Variants in CADM2 observed in about 807,000 individuals in gnomAD.
CADM2 encodes the protein cell adhesion molecule 2, also known as immunoglobulin superfamily member 4D.
A neutral mutation model predicts 49.8 loss-of-function variants in CADM2; 12 were observed. That is an observed-to-expected ratio of 0.24 (90% CI 0.15 to 0.39). The LOEUF (loss-of-function observed/expected upper bound fraction) is 0.39, where lower values mean the gene tolerates loss of function less well. Among genes scored for constraint, CADM2 ranks in the 10% least tolerant of loss-of-function variants. CADM2 has a pLI of 1.00. For synonymous variants in CADM2, 214 were observed against 175.4 expected, an observed-to-expected ratio of 1.22 and a Z score of -1.74; for missense variants, 378 against 492.3, an observed-to-expected ratio of 0.77 and a Z score of 2.20.
intron 1 of CADM2, among the ~76,000 whole-genome samples, chr3:85,447,467 C>T (rs1244964212): frequency 2.6e-5 from 4 of 152,052 alleles, no homozygotes; most frequent in Non-Finnish European, 5.9e-5. Flanking sequence ...TGTTCTGAAT[C>T]ATAAAGTTTT....
At chr3:85,885,184 T>C (rs1194681493) in intron 4 of CADM2, among the ~76,000 whole-genome samples, 1 of 152,116 alleles carries the variant, frequency 6.6e-6, no homozygotes, top group African/African-American at 2.4e-5. Context: ...CACTAGTAAA[T>C]TGTAAATTAT....
At chr3:85,790,692 G>A (rs1251082563) in intron 2 of CADM2, among the ~76,000 whole-genome samples, 10 of 152,154 alleles carry the variant, frequency 6.6e-5, no homozygotes. Context: ...GGGATTGTAA[G>A]GGCTGAAGCT....
intron 1 of CADM2, among the ~76,000 whole-genome samples, chr3:85,281,017 C>T (rs1046929593): frequency 7.9e-5 from 12 of 151,602 alleles, no homozygotes; most frequent in Admixed American, 4.0e-4. Flanking sequence ...AAATTCAAAG[C>T]GATCTTAAAT....
chr3:86,015,638 TG>T (rs1231410494), intron 8 of CADM2, among the ~76,000 whole-genome samples: 1 of 152,216 alleles, frequency 6.6e-6, no homozygotes, highest in East Asian at 1.9e-4. Flanking sequence ...GTGCAGATTT[TG>T]TCTTTCTCTA....
At chr3:85,473,056 GA>G (rs2038834640) in intron 1 of CADM2, among the ~76,000 whole-genome samples, 1 of 151,894 alleles carries the variant, frequency 6.6e-6, no homozygotes, top group African/African-American at 2.4e-5. Context: ...ATGCAAAACA[GA>G]ATGTAAGCAA....
chr3:85,296,771 C>CTA (rs2043975213), intron 1 of CADM2, among the ~76,000 whole-genome samples: 1 of 152,038 alleles, frequency 6.6e-6, no homozygotes, highest in Admixed American at 6.6e-5. Context: ...CTTTCTACTC[C>CTA]TATGCCTTGG....
At chr3:85,597,890 A>C (rs867086189) in intron 1 of CADM2, among the ~76,000 whole-genome samples, 31 of 152,208 alleles carry the variant, frequency 2.0e-4, no homozygotes, top group Admixed American at 5.9e-4. Context: ...ACCATCTTTT[A>C]GTTATATATT....
intron 1 of CADM2, among the ~76,000 whole-genome samples, chr3:85,127,786 T>C (rs953412300): frequency 6.6e-6 from 1 of 152,174 alleles, no homozygotes; most frequent in Non-Finnish European, 1.5e-5. Flanking sequence ...CCCCTATCTC[T>C]GACACATATT....
chr3:85,463,979 G>A (rs1049918335), intron 1 of CADM2, among the ~76,000 whole-genome samples: 3 of 152,036 alleles, frequency 2.0e-5, no homozygotes, highest in Non-Finnish European at 2.9e-5. Flanking sequence ...CTCTAAATTC[G>A]AAAGATCATA....
chr3:85,235,020 C>CCT (rs920096759), intron 1 of CADM2, among the ~76,000 whole-genome samples: 24 of 150,694 alleles, frequency 1.6e-4, no homozygotes, highest in African/African-American at 2.7e-4. Flanking sequence ...TTATTAGTGA[C>CCT]CTCTCTCTCT....
At chr3:85,923,644 C>T (rs944811160) in intron 6 of CADM2, among the ~76,000 whole-genome samples, 4 of 151,496 alleles carry the variant, frequency 2.6e-5, no homozygotes, top group African/African-American at 9.7e-5. Flanking sequence ...AAATCCAAAA[C>T]CTGGGCAATC....
At chr3:85,684,247 T>C (rs1210836417) in intron 1 of CADM2, among the ~76,000 whole-genome samples, 1 of 152,224 alleles carries the variant, frequency 6.6e-6, no homozygotes, top group Non-Finnish European at 1.5e-5. Context: ...TTTAGAATTC[T>C]TGGACTCCTG....
At chr3:85,388,626 G>C (rs2034364940) in intron 1 of CADM2, among the ~76,000 whole-genome samples, 1 of 151,892 alleles carries the variant, frequency 6.6e-6, no homozygotes, top group Non-Finnish European at 1.5e-5. Context: ...GCAATGTGTG[G>C]GATACACAAG....
chr3:85,053,172 A>C (rs899935415), intron 1 of CADM2, among the ~76,000 whole-genome samples: 1 of 152,076 alleles, frequency 6.6e-6, no homozygotes, highest in African/African-American at 2.4e-5. Flanking sequence ...GAAGGCTAAA[A>C]TGTTCAGAGC....
intron 1 of CADM2, among the ~76,000 whole-genome samples, chr3:85,286,245 C>T (rs1196571518): frequency 6.6e-6 from 1 of 152,154 alleles, no homozygotes; most frequent in Non-Finnish European, 1.5e-5. Flanking sequence ...GCATTTCTAA[C>T]TTCTCTCAGG....
intron 2 of CADM2, among the ~76,000 whole-genome samples, chr3:85,743,519 A>T (rs1220376734): frequency 6.6e-6 from 1 of 152,220 alleles, no homozygotes; most frequent in African/African-American, 2.4e-5. Flanking sequence ...AACACTTTGT[A>T]TAGAACTACA....
chr3:85,742,901 A>G (rs1441961213), intron 2 of CADM2, among the ~76,000 whole-genome samples: 1 of 152,200 alleles, frequency 6.6e-6, no homozygotes, highest in Non-Finnish European at 1.5e-5. Context: ...AATATATTTC[A>G]ACTGAGATTT....
chr3:85,734,830 G>A (rs543394369), intron 2 of CADM2, among the ~76,000 whole-genome samples: 15 of 149,692 alleles, frequency 1.0e-4, no homozygotes, highest in Admixed American at 5.4e-4. Context: ...TAATAGACAC[G>A]TTAAGGGAAT....
At chr3:85,900,774 A>G (rs746990284) in intron 5 of CADM2, among the ~76,000 whole-genome samples, 1 of 152,160 alleles carries the variant, frequency 6.6e-6, no homozygotes, top group Non-Finnish European at 1.5e-5. Flanking sequence ...GGACTTAATT[A>G]CTGCTCAAAT....
Sources: gnomAD v4.1 joint callset for allele counts (sites outside exome capture counted in the v4.1 genomes callset) on GRCh38, gnomAD v4.1.1 for gene constraint, MANE v1.5 for transcripts, NCBI Gene and HGNC (gene_info 2026-07-23, HGNC 2026-07-21) for gene names.